Variants in SLIT2 observed in about 807,000 individuals in gnomAD.
SLIT2 encodes slit homolog 2 protein.
Under a neutral mutation model 185.7 loss-of-function variants are expected in SLIT2, and 41 were observed. That is an observed-to-expected ratio of 0.22 (90% CI 0.17 to 0.29). SLIT2 has a LOEUF of 0.29. Ranked by LOEUF, SLIT2 falls within the 10% of genes least tolerant of loss-of-function variation. SLIT2 has a pLI of 1.00. For missense variants in SLIT2, 1,571 were observed against 1,909.0 expected, an observed-to-expected ratio of 0.82 and a Z score of 3.30; for synonymous variants, 693 against 680.2, an observed-to-expected ratio of 1.02 and a Z score of -0.29.
At chr4:20,348,529 G>A (rs1434332627) in intron 4 of SLIT2, among the ~76,000 whole-genome samples, 4 of 151,990 alleles carry the variant, frequency 2.6e-5, no homozygotes, top group Non-Finnish European at 5.9e-5. Flanking sequence ...GATTACAGAC[G>A]TGAGCCACTG....
intron 11 of SLIT2, among the ~76,000 whole-genome samples, chr4:20,519,085 A>G (rs893986124): frequency 6.6e-6 from 1 of 152,154 alleles, no homozygotes; most frequent in Non-Finnish European, 1.5e-5. Context: ...TATGCGTGTG[A>G]GTAGAAAAAC....
At chr4:20,287,846 C>A (rs1468304366) in intron 4 of SLIT2, among the ~76,000 whole-genome samples, 4 of 151,938 alleles carry the variant, frequency 2.6e-5, no homozygotes, top group African/African-American at 9.7e-5. Context: ...TAAATACTTG[C>A]TAAATAAATT....
chr4:20,295,603 C>A (rs917933308), intron 4 of SLIT2, among the ~76,000 whole-genome samples: 1 of 152,116 alleles, frequency 6.6e-6, no homozygotes, highest in Non-Finnish European at 1.5e-5. Flanking sequence ...CCAGTCCCTG[C>A]GTCATGCCCC....
At chr4:20,536,899 A>G (rs1722348600) in intron 18 of SLIT2, among the ~76,000 whole-genome samples, 2 of 152,154 alleles carry the variant, frequency 1.3e-5, no homozygotes, top group African/African-American at 2.4e-5. Context: ...AGAAACAAAC[A>G]CATACATTAG....
chr4:20,320,432 C>T (rs1718977906), intron 4 of SLIT2, among the ~76,000 whole-genome samples: 1 of 152,058 alleles, frequency 6.6e-6, no homozygotes, highest in African/African-American at 2.4e-5. Context: ...TATTCTGAGC[C>T]CCAGCCTCCT....
At chr4:20,371,255 A>G (rs1452854393) in intron 4 of SLIT2, among the ~76,000 whole-genome samples, 3 of 151,916 alleles carry the variant, frequency 2.0e-5, no homozygotes, top group African/African-American at 4.8e-5. Context: ...TCACACAGTC[A>G]CTCATACACT....
intron 16 of SLIT2, among the ~76,000 whole-genome samples, chr4:20,529,530 A>C (rs564292446): frequency 1.8e-4 from 28 of 152,338 alleles, no homozygotes; most frequent in South Asian, 8.3e-4. Flanking sequence ...TACCTAATTT[A>C]CTACTTCATT....
chr4:20,266,496 A>C (rs920598180), intron 3 of SLIT2, among the ~76,000 whole-genome samples: 2 of 151,988 alleles, frequency 1.3e-5, no homozygotes, highest in Non-Finnish European at 2.9e-5. Flanking sequence ...TGTTGGCTTA[A>C]TATAAAATGT....
intron 30 of SLIT2, among the ~76,000 whole-genome samples, chr4:20,591,121 A>G (rs1468229880): frequency 2.0e-5 from 3 of 151,972 alleles, no homozygotes; most frequent in Admixed American, 2.0e-4. Context: ...TAATAATACC[A>G]TCTTATGATT....
At chr4:20,419,921 A>T (rs1728036193) in intron 4 of SLIT2, among the ~76,000 whole-genome samples, 1 of 152,100 alleles carries the variant, frequency 6.6e-6, no homozygotes, top group Non-Finnish European at 1.5e-5. Context: ...TTTTGGTCCT[A>T]GAAAAGGTCA....
rs1457351566 is a variant in SLIT2 at position 20,252,910 on chromosome 4, TCCTCC to T, written c.-905_-901del. Among the ~76,000 whole-genome samples the T allele has an allele frequency of 1.3e-5, 2 of 152,166 alleles. No individual in the cohort carries two copies. The highest frequency in any genetic ancestry group is 2.9e-5 in the Non-Finnish European group (2 of 68,026). On this transcript the variant is annotated 5_prime_UTR_variant, in exon 1 of 37. Coordinates refer to ENST00000504154, the MANE Select transcript of SLIT2 (RefSeq NM_004787.4). ...CACTCAGTCTTCGCAGCAGCTCTCA[TCCTCC>T]ACTTGGCCTCTTGGAGTTCCTCGCC...
At chr4:20,375,131 T>G (rs1321189127) in intron 4 of SLIT2, among the ~76,000 whole-genome samples, 2 of 152,114 alleles carry the variant, frequency 1.3e-5, no homozygotes, top group Non-Finnish European at 2.9e-5. Context: ...TTTTAAAAAT[T>G]TTAGCTTAGT....
At chr4:20,331,343 C>T (rs1232590111) in intron 4 of SLIT2, among the ~76,000 whole-genome samples, 12 of 152,026 alleles carry the variant, frequency 7.9e-5, no homozygotes, top group Admixed American at 7.9e-4. Flanking sequence ...TATTCGTTTA[C>T]AAAAGAAGTG....
At chr4:20,588,617 AAT>A (rs1460202284) in intron 29 of SLIT2, among the ~76,000 whole-genome samples, 4 of 152,220 alleles carry the variant, frequency 2.6e-5, no homozygotes, top group Admixed American at 6.5e-5. Flanking sequence ...TATGTAAGTT[AAT>A]ATATATTATG....
intron 4 of SLIT2, among the ~76,000 whole-genome samples, chr4:20,390,972 T>A (rs1331580991): frequency 6.6e-6 from 1 of 151,932 alleles, no homozygotes; most frequent in Admixed American, 6.6e-5. Flanking sequence ...ATGCATAATC[T>A]TACATAATTT....
At chr4:20,583,482 G>T (rs1377371345) in intron 29 of SLIT2, among the ~76,000 whole-genome samples, 3 of 152,162 alleles carry the variant, frequency 2.0e-5, no homozygotes, top group Admixed American at 6.5e-5. Context: ...AATAGGAAGG[G>T]CCCCTTTGTG....
chr4:20,536,210 T>C (rs1238550531), intron 18 of SLIT2, among the ~76,000 whole-genome samples: 5 of 152,088 alleles, frequency 3.3e-5, no homozygotes, highest in Non-Finnish European at 7.4e-5. Context: ...GAGTGAGTGG[T>C]GAGTGAACGT....
At chr4:20,579,971 A>G (rs908919833) in intron 29 of SLIT2, among the ~76,000 whole-genome samples, 6 of 140,446 alleles carry the variant, frequency 4.3e-5, no homozygotes, top group Non-Finnish European at 9.4e-5. Context: ...TCCAAATAAT[A>G]TATATTATAT....
intron 4 of SLIT2, among the ~76,000 whole-genome samples, chr4:20,465,264 A>G (rs986622321): frequency 1.3e-5 from 2 of 152,222 alleles, no homozygotes; most frequent in East Asian, 3.8e-4. Flanking sequence ...CATGAACACC[A>G]AACATCTCTG....
Sources: gnomAD v4.1 joint callset for allele counts (sites outside exome capture counted in the v4.1 genomes callset) on GRCh38, gnomAD v4.1.1 for gene constraint, MANE v1.5 for transcripts, NCBI Gene and HGNC (gene_info 2026-07-23, HGNC 2026-07-21) for gene names.